VWA3B: variants seen among roughly 807,000 people sequenced by gnomAD.
VWA3B encodes the protein von Willebrand factor A domain-containing protein 3B.
VWA3B carries 138 observed loss-of-function variants against 158.3 expected under a neutral mutation model. The ratio of observed to expected loss-of-function variants is 0.87; its 90% CI spans 0.76 to 1.00. The LOEUF (loss-of-function observed/expected upper bound fraction) is 1.00. Ranked by LOEUF, VWA3B falls within the 50% of genes least tolerant of loss-of-function variation. The pLI, the probability that VWA3B is intolerant of heterozygous loss-of-function variation, is 0.00. For missense variants in VWA3B, 1,555 were observed against 1,565.1 expected, an observed-to-expected ratio of 0.99 and a Z score of 0.11; for synonymous variants, 596 against 587.3, an observed-to-expected ratio of 1.01 and a Z score of -0.21.
At chr2:98,160,557 C>G (rs1453711586) in intron 7 of VWA3B, among the ~76,000 whole-genome samples, 1 of 152,170 alleles carries the variant, frequency 6.6e-6, no homozygotes, top group Non-Finnish European at 1.5e-5. Context: ...GGAACTTTCT[C>G]CTTTGACCCT....
At chr2:98,206,642 AT>A in intron 12 of VWA3B, 1 of 370,776 alleles carries the variant, frequency 2.7e-6, no homozygotes, top group Non-Finnish European at 5.4e-6. Flanking sequence ...GTTTGCTCCC[AT>A]TTATGTTGAG....
rs1264416311 is a variant in VWA3B at position 98,180,997 on chromosome 2, A to G, written c.1115-19A>G. 2 of 1,612,530 alleles carry G rather than the reference A, an allele frequency of 1.2e-6. No individual in the cohort carries two copies. Among genetic ancestry groups the G allele is most frequent in the East Asian group, 2.2e-5 (1 of 44,854 alleles). On this transcript the variant is annotated intron_variant, in intron 8 of 27. Transcript: ENST00000477737. ...ATGGCTCATGCAGTATGAATGGCTG[A>G]CAAGCTGTGATTCTACAGAGTCAGA...
intron 21 of VWA3B, among the ~76,000 whole-genome samples, chr2:98,257,698 C>T (rs1687240467): frequency 6.6e-6 from 1 of 151,900 alleles, no homozygotes; most frequent in Non-Finnish European, 1.5e-5. Context: ...AATGTTTATT[C>T]AAGTTCTTTG....
chr2:98,150,868 C>G (rs191702984), intron 7 of VWA3B, among the ~76,000 whole-genome samples: 12 of 152,336 alleles, frequency 7.9e-5, no homozygotes, highest in Admixed American at 7.8e-4. Flanking sequence ...TATATCCTCC[C>G]TGGTTCCTCC....
chr2:98,179,283 T>C (rs1680267468), intron 8 of VWA3B: 1 of 471,078 alleles, frequency 2.1e-6, no homozygotes, highest in South Asian at 1.5e-5. Flanking sequence ...AAAATAGTTT[T>C]CTGCTTGTGT....
chr2:98,097,808 G>T (rs1244594300), intron 2 of VWA3B, among the ~76,000 whole-genome samples: 4 of 151,974 alleles, frequency 2.6e-5, no homozygotes, highest in Non-Finnish European at 4.4e-5. Context: ...TTCTGGCTGG[G>T]GTAAGGTGGT....
chr2:98,133,839 C>T lies in VWA3B; in HGVS notation c.888C>T (p.Ala296=). The T allele has an allele frequency of 3.1e-6, 5 of 1,613,938 alleles. No individual in the cohort carries two copies. The highest frequency in any genetic ancestry group is 4.2e-6 in the Non-Finnish European group (5 of 1,179,982). Residue 296 remains alanine, a synonymous_variant, in exon 7 of 28, where the codon GCC becomes GCT. Transcript: ENST00000477737. The stretch of plus-strand genomic sequence containing the variant: ...CACGTTTCAGATTCCACGCATTTGC[C>T]GAGAGAACAGAGTGTGTAGAATTTC... The part of the protein sequence containing the change: ...AKTHSRFHAF[A]ERTECVEFPA...
At chr2:98,175,524 T>G (rs1225876014) in intron 8 of VWA3B, among the ~76,000 whole-genome samples, 1 of 152,058 alleles carries the variant, frequency 6.6e-6, no homozygotes, top group East Asian at 1.9e-4. Flanking sequence ...TTACCCAGTC[T>G]GAAGAACAAA....
At chr2:98,256,416 C>T (rs1687148592) in intron 21 of VWA3B, among the ~76,000 whole-genome samples, 1 of 152,094 alleles carries the variant, frequency 6.6e-6, no homozygotes, top group Non-Finnish European at 1.5e-5. Context: ...TGCTTCCTGT[C>T]TCTATGATTT....
intron 13 of VWA3B, among the ~76,000 whole-genome samples, chr2:98,215,684 A>G (rs1041982909): frequency 1.8e-4 from 28 of 151,730 alleles, no homozygotes; most frequent in African/African-American, 5.8e-4. Context: ...CACCCGGCTA[A>G]TTTTTGTATT....
chr2:98,209,071 T>A lies in VWA3B; in HGVS notation c.1738-2859T>A, dbSNP rs1046213999. On this transcript the variant is annotated intron_variant, in intron 12 of 27. Coordinates refer to ENST00000477737, the MANE Select transcript of VWA3B (RefSeq NM_144992.5). ...TTCCTCTGGTCTCTATAGTTTCAGATGAGAAACTGCTGTCATTTGAATTGG... is the reference window on the plus strand; with the variant it reads ...TTCCTCTGGTCTCTATAGTTTCAGAAGAGAAACTGCTGTCATTTGAATTGG... Among the ~76,000 whole-genome samples the A allele has an allele frequency of 7.2e-5, 11 of 152,328 alleles. No individual in the cohort carries two copies. The East Asian group carries it at 2.1e-3, about 29-fold the overall frequency.
rs1334691227 is a variant in VWA3B at position 98,278,834 on chromosome 2, G to A, written c.3045+7951G>A. Among the ~76,000 whole-genome samples, 4 of 152,172 alleles carry A rather than the reference G, an allele frequency of 2.6e-5. No individual in the cohort carries two copies. In the South Asian group the frequency reaches 6.2e-4, roughly 24 times the overall value. ...GGAATGTGGGTCCAGGCTTGAGAGT[G>A]GGGCCCTCACTGGGGACTGCTGCCT... On this transcript the variant is annotated intron_variant, in intron 22 of 27. Coordinates refer to ENST00000477737, the MANE Select transcript of VWA3B (RefSeq NM_144992.5).
intron 11 of VWA3B, 31 bp downstream of exon 11, chr2:98,193,067 G>C: frequency 6.3e-7 from 1 of 1,585,972 alleles, no homozygotes; most frequent in African/African-American, 1.3e-5. Flanking sequence ...CATGCATTTG[G>C]GGCTTTGTGT....
intron 13 of VWA3B, among the ~76,000 whole-genome samples, chr2:98,216,529 G>A (rs1444670670): frequency 1.3e-5 from 2 of 152,224 alleles, no homozygotes; most frequent in South Asian, 2.1e-4. Context: ...CCTCCTTCCC[G>A]GCAGGGAGGA....
intron 7 of VWA3B, among the ~76,000 whole-genome samples, chr2:98,142,883 G>A (rs1676888960): frequency 6.6e-6 from 1 of 152,150 alleles, no homozygotes; most frequent in Admixed American, 6.5e-5. Context: ...GAGAGCACTC[G>A]GAATGGAGCG....
intron 16 of VWA3B, among the ~76,000 whole-genome samples, chr2:98,230,670 C>A (rs981186116): frequency 6.6e-6 from 1 of 152,164 alleles, no homozygotes; most frequent in Non-Finnish European, 1.5e-5. Context: ...ACCCACCTCC[C>A]TTGCACACCC....
intron 7 of VWA3B, among the ~76,000 whole-genome samples, chr2:98,142,683 C>G (rs1676873879): frequency 6.6e-6 from 1 of 152,060 alleles, no homozygotes. Flanking sequence ...GATGTTAAAC[C>G]CTAACAGATG....
At chr2:98,288,040 CT>C (rs2105939812) in intron 22 of VWA3B, among the ~76,000 whole-genome samples, 1 of 152,272 alleles carries the variant, frequency 6.6e-6, no homozygotes, top group Non-Finnish European at 1.5e-5. Context: ...AGTATTTACC[CT>C]TTACCTCATA....
chr2:98,315,920 T>C (rs1310974901), downstream of VWA3B, among the ~76,000 whole-genome samples: 1 of 152,202 alleles, frequency 6.6e-6, no homozygotes, highest in African/African-American at 2.4e-5. Context: ...GATATGTTGA[T>C]AGTGAAAAAC....
Sources: allele counts gnomAD v4.1 joint callset (sites outside exome capture counted in the v4.1 genomes callset), GRCh38; gene constraint gnomAD v4.1.1; transcripts MANE v1.5; gene names NCBI Gene and HGNC (gene_info 2026-07-23, HGNC 2026-07-21).